GTF3C1: variants seen among roughly 807,000 people sequenced by gnomAD.
The protein encoded by GTF3C1 is general transcription factor IIIC subunit 1.
In GTF3C1, 57 loss-of-function variants were observed where a neutral mutation model predicts 226.7. The observed-to-expected ratio is 0.25, with a 90% CI of 0.20 to 0.31. The LOEUF (loss-of-function observed/expected upper bound fraction) is 0.31. GTF3C1 is among the 10% of genes least tolerant of loss of function. GTF3C1 has a pLI of 1.00. For missense variants in GTF3C1, 2,217 were observed against 2,776.1 expected (o/e 0.80, Z 4.53); for synonymous variants, 1,090 against 1,084.8 (o/e 1.00, Z -0.09).
intron 3 of GTF3C1, 39 bp from the exon 4 acceptor site, chr16:27,537,966 T>C (rs1369954344): frequency 1.2e-6 from 2 of 1,604,380 alleles, no homozygotes; most frequent in Non-Finnish European, 1.7e-6. Flanking sequence ...GCTTTGCTGG[T>C]AGTTTTATCA....
intron 29 of GTF3C1, 114 bp from the exon 30 acceptor site, chr16:27,472,034 T>G: frequency 3.5e-6 from 3 of 850,288 alleles, no homozygotes; most frequent in Non-Finnish European, 3.7e-6. Context: ...TGACCGATCG[T>G]GGGAGGCCCA....
At chr16:27,520,575 A>T (rs1013927098) in intron 6 of GTF3C1, among the ~76,000 whole-genome samples, 1 of 152,220 alleles carries the variant, frequency 6.6e-6, no homozygotes, top group South Asian at 2.1e-4. Flanking sequence ...CTAATTGTAC[A>T]AGGAAACAAG....
chr16:27,489,614 A>T lies in GTF3C1; in HGVS notation c.3281T>A (p.Leu1094Gln), dbSNP rs773622466. Residue 1094 changes from leucine (L) to glutamine (Q), a missense_variant, in exon 20 of 37, where the codon CTG becomes CAG. Transcript: ENST00000356183. ...KHNLERKCAM[L>Q]EYTTGSREVV... ...GACGGACACGCACGTGGTGTACTCC[A>T]GCATGGCGCACTTGCGCTCCAGGTT... The T allele has an allele frequency of 1.2e-6, 2 of 1,609,026 alleles. No individual in the cohort carries two copies. Among genetic ancestry groups the T allele is most frequent in the Non-Finnish European group, 1.7e-6 (2 of 1,179,024 alleles).
chr16:27,516,428 C>T (rs759035475), intron 6 of GTF3C1, among the ~76,000 whole-genome samples: 4 of 152,224 alleles, frequency 2.6e-5, no homozygotes, highest in Admixed American at 1.3e-4. Flanking sequence ...CCTGGAGTGA[C>T]TCTCCGGATA....
At chr16:27,505,813 C>T in intron 10 of GTF3C1, 86 bp downstream of exon 10, 1 of 807,920 alleles carries the variant, frequency 1.2e-6, no homozygotes, top group Non-Finnish European at 2.1e-6. Flanking sequence ...GATGATTCCA[C>T]TGTGATCATG....
At chr16:27,526,029 G>A (rs1047310311) in intron 6 of GTF3C1, among the ~76,000 whole-genome samples, 2 of 152,204 alleles carry the variant, frequency 1.3e-5, no homozygotes, top group Admixed American at 6.5e-5. Context: ...AAGTGGAGAG[G>A]AGGAAGGGAG....
At chr16:27,541,179 G>T (rs2089076329) in intron 2 of GTF3C1, among the ~76,000 whole-genome samples, 1 of 152,216 alleles carries the variant, frequency 6.6e-6, no homozygotes, top group Non-Finnish European at 1.5e-5. Flanking sequence ...CTGTGTGAAT[G>T]AGAGAATTAA....
intron 4 of GTF3C1, among the ~76,000 whole-genome samples, chr16:27,535,177 T>G (rs953584846): frequency 6.6e-6 from 1 of 152,198 alleles, no homozygotes; most frequent in Non-Finnish European, 1.5e-5. Context: ...CAAATCTGCA[T>G]AAAATTAACT....
Position 27,549,720 on chromosome 16 carries a change from G to A in GTF3C1, c.171C>T (p.Ile57=), listed in dbSNP as rs2089250084. The A allele has an allele frequency of 4.3e-6, 7 of 1,610,108 alleles. No individual in the cohort carries two copies. In the Admixed American group the frequency reaches 6.7e-5, roughly 15 times the overall value. The change falls in exon 1 of 37, where the codon ATC becomes ATT. Residue 57 remains isoleucine (I), a synonymous_variant. Coordinates refer to ENST00000356183, the MANE Select transcript of GTF3C1 (RefSeq NM_001520.4). ...LWRALATHPG[I]SFYEEPRERP... ...GCTCCCGAGGCTCCTCATAGAAGCT[G>A]ATGCCCGGGTGCGTGGCGAGGGCCC... is the stretch of plus-strand genomic sequence containing the variant.
Position 27,462,495 on chromosome 16 carries a change from A to AG in GTF3C1, c.5925-10dup, listed in dbSNP as rs965763514. ...AGACACTCTCACAGTCCCTGCAGGGAGAGGGCTTGACATCAGGGCTTGGTG... is the reference window on the plus strand; with the variant it reads ...AGACACTCTCACAGTCCCTGCAGGGAGGAGGGCTTGACATCAGGGCTTGGTG... On this transcript the variant is annotated splice_polypyrimidine_tract_variant and intron_variant, in intron 35 of 36. Transcript: ENST00000356183. This position sits in a 1 kb window ranked among gnomAD's most constrained non-coding sequence, Gnocchi z 4.5. 1 of 1,611,240 alleles carries AG rather than the reference A, an allele frequency of 6.2e-7. No homozygotes were observed. Among genetic ancestry groups the AG allele is most frequent in the African/African-American group, 1.3e-5 (1 of 74,846 alleles).
chr16:27,464,979 A>C, intron 33 of GTF3C1, 143 bp from the exon 34 acceptor site: 1 of 715,762 alleles, frequency 1.4e-6, no homozygotes, highest in Non-Finnish European at 2.2e-6. Flanking sequence ...CCTGGCTCCT[A>C]GCCCCGGGGC....
At chr16:27,542,382 G>A (rs993070760) in intron 2 of GTF3C1, among the ~76,000 whole-genome samples, 1 of 152,132 alleles carries the variant, frequency 6.6e-6, no homozygotes, top group African/African-American at 2.4e-5. Flanking sequence ...TCAACGCAGT[G>A]AAACCCCATC....
At chr16:27,480,374 A>AT (rs2088024680) in intron 27 of GTF3C1, among the ~76,000 whole-genome samples, 1 of 152,188 alleles carries the variant, frequency 6.6e-6, no homozygotes. Context: ...TGGGCAAAGG[A>AT]TATCAACTCT....
In GTF3C1 at chr16:27,508,615, G is replaced by A; in HGVS notation, c.1167C>T (p.Ile389=). 2.5e-6 allele frequency: 4 copies of A among 1,614,168 alleles called. No individual in the cohort carries two copies. Among genetic ancestry groups the A allele is most frequent in the Non-Finnish European group, 3.4e-6 (4 of 1,180,016 alleles). ...RGTKGISQAE[I]RVAMNVGKLE... is the part of the protein sequence containing the mutation. ...GTTTTCCCACATTCATAGCCACTCGGATTTCAGCTTGGGAAATTCCTTTCG... is the reference window on the plus strand; with the variant it reads ...GTTTTCCCACATTCATAGCCACTCGAATTTCAGCTTGGGAAATTCCTTTCG... The change falls in exon 8 of 37, where the codon ATC becomes ATT. Residue 389 remains isoleucine (I), a synonymous_variant. Coordinates refer to ENST00000356183, the MANE Select transcript of GTF3C1 (RefSeq NM_001520.4).
At position 27,528,765 on chromosome 16, in the gene GTF3C1, T is replaced by C. The variant is rs1382646708; in HGVS notation, c.850-44A>G. 1.9e-6 allele frequency: 3 copies of C among 1,580,288 alleles called. No individual in the cohort carries two copies. In the South Asian group the frequency reaches 3.3e-5, roughly 18 times the overall value. ...AAGGCTACTATTAGACACAGCAAGA[T>C]GTCTGAAATGACTAGAAAGTCATAT... is the stretch of plus-strand genomic sequence containing the variant. On this transcript the variant is annotated intron_variant, in intron 5 of 36. Transcript: ENST00000356183.
intron 6 of GTF3C1, among the ~76,000 whole-genome samples, chr16:27,522,685 T>G (rs1305608355): frequency 6.6e-6 from 1 of 152,238 alleles, no homozygotes; most frequent in Non-Finnish European, 1.5e-5. Flanking sequence ...AGTAGATTCG[T>G]CTGGGGAGTA....
At position 27,489,660 on chromosome 16, in the gene GTF3C1, C is replaced by A; in HGVS notation, c.3235G>T (p.Glu1079Ter). ...AGGTTGTGCTTGTCCATGGCGCTCT[C>A]CTGCTCCTTCTGCAGGCTGCCCTCC... ...DEEGSLQKEQ[E>*]SAMDKHNLER... The change falls in exon 20 of 37, where the codon GAG (glutamate) becomes TAG (stop). Residue 1079 changes from glutamate (E) to a stop codon, truncating the protein, a stop_gained. Transcript: ENST00000356183. LOFTEE classifies it high-confidence loss of function. 6.2e-7 allele frequency: 1 copy of A among 1,611,948 alleles called. No homozygotes were observed. Among genetic ancestry groups the A allele is most frequent in the Non-Finnish European group, 8.5e-7 (1 of 1,179,552 alleles).
intron 29 of GTF3C1, among the ~76,000 whole-genome samples, chr16:27,475,596 C>A (rs562930397): frequency 3.3e-5 from 5 of 152,254 alleles, no homozygotes; most frequent in African/African-American, 7.2e-5. Flanking sequence ...TGTGATTTAA[C>A]TTCTCTGAAC....
chr16:27,498,404 T>C (rs141836601), intron 13 of GTF3C1, among the ~76,000 whole-genome samples: 1 of 152,334 alleles, frequency 6.6e-6, no homozygotes, highest in African/African-American at 2.4e-5. Context: ...GAGTGCTCTG[T>C]CCACACTCTA....
Sources: gnomAD v4.1 joint callset for allele counts (sites outside exome capture counted in the v4.1 genomes callset) on GRCh38, gnomAD v4.1.1 for gene constraint, Gnocchi (gnomAD v3.1) non-coding constraint, MANE v1.5 for transcripts, NCBI Gene and HGNC (gene_info 2026-07-23, HGNC 2026-07-21) for gene names.